The following CLVS1 variants were observed in gnomAD, a reference collection of about 807,000 sequenced individuals.
CLVS1 encodes clavesin 1.
CLVS1 carries 10 observed loss-of-function variants against 33.1 expected under a neutral mutation model. The ratio of observed to expected loss-of-function variants is 0.30; its 90% CI spans 0.19 to 0.51. The LOEUF (loss-of-function observed/expected upper bound fraction) is 0.51, where lower values mean the gene tolerates loss of function less well. Ranked by LOEUF, CLVS1 falls within the 20% of genes least tolerant of loss-of-function variation. The pLI, the probability that CLVS1 is intolerant of heterozygous loss-of-function variation, is 0.97. For synonymous variants in CLVS1, 163 were observed against 166.1 expected (o/e 0.98, Z 0.14); for missense variants, 343 against 433.4 (o/e 0.79, Z 1.85).
intron 3 of CLVS1, among the ~76,000 whole-genome samples, chr8:61,399,046 C>T (rs1329133062): frequency 6.6e-6 from 1 of 152,144 alleles, no homozygotes; most frequent in Non-Finnish European, 1.5e-5. Flanking sequence ...CAATGATTTA[C>T]ATTCCTTTGG....
rs1210133190 is a variant in CLVS1 at position 61,500,620 on chromosome 8, C to CAA, written c.*1081_*1082dup. ...GAAATGGAGTCCCCAACTACTCATTCAAAAGAAATCAGACATAAAATAAAC... is the reference window on the plus strand; with the variant it reads ...GAAATGGAGTCCCCAACTACTCATTCAAAAAAGAAATCAGACATAAAATAAAC... On this transcript the variant is annotated 3_prime_UTR_variant, in exon 6 of 6. Coordinates refer to ENST00000325897, the MANE Select transcript of CLVS1 (RefSeq NM_173519.3). 6.9e-6 allele frequency: 1 copy of CAA among 144,130 alleles called. No individual in the cohort carries two copies. The highest frequency in any genetic ancestry group is 1.5e-5 in the Non-Finnish European group (1 of 67,332). 8.9% of individuals were successfully genotyped at this position (144,130 alleles called of 1,614,324 possible).
In CLVS1 at chr8:61,387,389, A is replaced by G. The variant is rs1298146651; in HGVS notation, c.630+10610A>G. On this transcript the variant is annotated intron_variant, in intron 3 of 5. Transcript: ENST00000325897. ...GTGGCTGAGCAAGACTCCATCTCAA[A>G]AACAAAAACAAAAACAAAAAAACCC... is the stretch of plus-strand genomic sequence containing the variant. 3.3e-5 allele frequency among the ~76,000 whole-genome samples: 5 copies of G among 152,168 alleles called. No homozygotes were observed. The East Asian group carries it at 7.7e-4, about 23-fold the overall frequency.
intron 1 of CLVS1, among the ~76,000 whole-genome samples, chr8:61,059,459 T>TATACATACATAC (rs995076225): frequency 1.8e-5 from 2 of 109,876 alleles, no homozygotes; most frequent in African/African-American, 3.8e-5. Context: ...TACACACACA[T>TATACATACATAC]ATACATACAT....
chr8:61,305,070 C>T (rs892341369), intron 2 of CLVS1, among the ~76,000 whole-genome samples: 14 of 152,022 alleles, frequency 9.2e-5, no homozygotes, highest in African/African-American at 3.4e-4. Flanking sequence ...CCCTCAGTTT[C>T]TCACCTGTAC....
chr8:61,076,996 C>T lies in CLVS1; in HGVS notation c.-243+19766C>T, dbSNP rs374638800. On this transcript the variant is annotated intron_variant, in intron 1 of 2. Coordinates refer to the CLVS1 transcript ENST00000522621. ...GAGGCTTTGTTCTGAGAATGGGACT[C>T]CCGTTTTATATTTTACATTTGGTCC... Among the ~76,000 whole-genome samples, 32 of 152,290 alleles carry T rather than the reference C, an allele frequency of 2.1e-4. No individual in the cohort carries two copies. The East Asian group carries it at 5.6e-3, about 27-fold the overall frequency.
intron 5 of CLVS1, among the ~76,000 whole-genome samples, chr8:61,476,865 T>C (rs1817956029): frequency 6.6e-6 from 1 of 152,238 alleles, no homozygotes; most frequent in Non-Finnish European, 1.5e-5. Context: ...ACGGCATCCC[T>C]GTCTTGTGCC....
chr8:60,982,146 CTCAG>C, the CLVS1 span, among the ~76,000 whole-genome samples: 1 of 152,188 alleles, frequency 6.6e-6, no homozygotes, highest in Non-Finnish European at 1.5e-5. Context: ...CAACAGAATG[CTCAG>C]TCAGTGAACA....
At chr8:61,089,331 C>A (rs1232116206) in intron 1 of CLVS1, among the ~76,000 whole-genome samples, 1 of 152,132 alleles carries the variant, frequency 6.6e-6, no homozygotes, top group Non-Finnish European at 1.5e-5. Context: ...AAATGTATGA[C>A]AAATTATTCT....
At chr8:61,137,554 T>A (rs1806213203) in intron 2 of CLVS1, among the ~76,000 whole-genome samples, 1 of 152,186 alleles carries the variant, frequency 6.6e-6, no homozygotes, top group African/African-American at 2.4e-5. Flanking sequence ...CCATCTATTA[T>A]ACTTCCCCAG....
intron 2 of CLVS1, among the ~76,000 whole-genome samples, chr8:61,264,173 T>A (rs1049607260): frequency 6.6e-6 from 1 of 152,072 alleles, no homozygotes; most frequent in Non-Finnish European, 1.5e-5. Flanking sequence ...TGGTTGCAGA[T>A]CTTGTCTTTT....
the CLVS1 span, among the ~76,000 whole-genome samples, chr8:60,975,763 C>A: frequency 6.6e-6 from 1 of 152,204 alleles, no homozygotes; most frequent in Non-Finnish European, 1.5e-5. Context: ...GCATTGTCTT[C>A]TTCCTCTTTC....
intron 5 of CLVS1, among the ~76,000 whole-genome samples, chr8:61,461,081 A>C (rs1472620182): frequency 6.6e-6 from 1 of 152,162 alleles, no homozygotes; most frequent in African/African-American, 2.4e-5. Context: ...GGTGTTGGCT[A>C]TTGTTTGTGC....
chr8:61,043,843 G>T, the CLVS1 span, among the ~76,000 whole-genome samples: 1 of 152,152 alleles, frequency 6.6e-6, no homozygotes, highest in Non-Finnish European at 1.5e-5. Context: ...GCTACATTAG[G>T]GAAGGTTATA....
chr8:61,480,630 G>T (rs747151507), intron 5 of CLVS1, among the ~76,000 whole-genome samples: 11 of 152,104 alleles, frequency 7.2e-5, no homozygotes, highest in Non-Finnish European at 1.5e-4. Context: ...GATGAACCCG[G>T]TACCTCAGTT....
At chr8:61,377,529 CTA>C (rs1205944985) in intron 3 of CLVS1, 2 of 152,212 alleles carry the variant, frequency 1.3e-5, no homozygotes, top group Non-Finnish European at 2.9e-5. Flanking sequence ...CAGATTAACT[CTA>C]TGGAGTGACC....
rs185167053 is a variant in CLVS1, at chr8:61,474,505, T to G, written c.977+15963T>G. On this transcript the variant is annotated intron_variant, in intron 5 of 5. Transcript: ENST00000325897. ...TTTCTATTTTCTTCTATTTTCTGAC[T>G]TTGTCTTCCTCTTCATCTTCTTCTT... 2.6e-5 allele frequency among the ~76,000 whole-genome samples: 4 copies of G among 152,338 alleles called. No individual in the cohort carries two copies. In the East Asian group the frequency reaches 7.7e-4, roughly 29 times the overall value.
At position 61,394,074 on chromosome 8, in the gene CLVS1, C is replaced by A. The variant is rs111653314; in HGVS notation, c.630+17295C>A. On this transcript the variant is annotated intron_variant, in intron 3 of 5. Coordinates refer to ENST00000325897, the MANE Select transcript of CLVS1 (RefSeq NM_173519.3). ...TTATGATTAGAATGATAGCCTGGCA[C>A]GGTGGCTCACGCCTCTAATCCCAGC... Among the ~76,000 whole-genome samples, 1,358 of 152,270 alleles carry A rather than the reference C, an allele frequency of 8.9e-3. 13 individuals are homozygous for A. The highest frequency in any genetic ancestry group is 0.031 in the African/African-American group (1,274 of 41,548).
chr8:61,137,862 G>A (rs1335891470), intron 2 of CLVS1, among the ~76,000 whole-genome samples: 1 of 152,202 alleles, frequency 6.6e-6, no homozygotes, highest in Non-Finnish European at 1.5e-5. Context: ...CTGCTGGCAG[G>A]TGTATGGAGA....
At chr8:60,967,658 T>C in the CLVS1 span, 5 of 455,962 alleles carry the variant, frequency 1.1e-5, no homozygotes, top group Admixed American at 1.2e-4. Flanking sequence ...CGGAAGCCAT[T>C]TGTACAGACG....
Sources: allele counts gnomAD v4.1 joint callset (sites outside exome capture counted in the v4.1 genomes callset), GRCh38; gene constraint gnomAD v4.1.1; transcripts MANE v1.5; gene names NCBI Gene and HGNC (gene_info 2026-07-23, HGNC 2026-07-21).